ARID3C: variants seen among roughly 807,000 people sequenced by gnomAD.
The protein encoded by ARID3C is AT-rich interaction domain 3C.
A neutral mutation model predicts 37.9 loss-of-function variants in ARID3C; 42 were observed. The ratio of observed to expected loss-of-function variants is 1.11; its 90% CI spans 0.87 to 1.43. The LOEUF is 1.43. ARID3C is among the 40% of genes most tolerant of loss of function. ARID3C has a pLI of 0.00. For missense variants in ARID3C, 581 were observed against 548.8 expected (o/e 1.06, Z -0.59); for synonymous variants, 213 against 228.0 (o/e 0.93, Z 0.59).
chr9:34,624,178 C>T (rs10972174), intron 2 of ARID3C, 131 bp from the exon 4 acceptor site: 255,887 of 1,163,814 alleles, frequency 0.22, 29,727 homozygotes, highest in Admixed American at 0.25. Flanking sequence ...CCCACAGAAC[C>T]CCAGGGTCTC....
intron 6 of ARID3C, 134 bp downstream of exon 7, chr9:34,621,886 C>T (rs1820568963): frequency 5.5e-6 from 5 of 901,648 alleles, no homozygotes; most frequent in Middle Eastern, 2.2e-4. Context: ...GTCTAGCAAT[C>T]CCCTGAACTC....
At chr9:34,622,745 G>A (rs1010164840) in intron 4 of ARID3C, among the ~76,000 whole-genome samples, 1 of 152,222 alleles carries the variant, frequency 6.6e-6, no homozygotes, top group African/African-American at 2.4e-5. Context: ...CAATTTGGGG[G>A]ATTGTTTTTG....
At position 34,623,522 on chromosome 9, in the gene ARID3C, A is replaced by C. The variant is rs201965867; in HGVS notation, c.768T>G (p.Pro256=). The C allele has an allele frequency of 4.5e-6, 7 of 1,562,396 alleles. No individual in the cohort carries two copies. In the African/African-American group the frequency reaches 8.2e-5, roughly 18 times the overall value. The stretch of plus-strand genomic sequence containing the variant: ...GGCCAGGGCTGGACTGGGTCGCCGG[A>C]GGGGCGGGGCCGGGACCCAAGGCTG... Residue 256 remains proline, a synonymous_variant, in exon 4 of 7, where the codon CCT becomes CCG. Coordinates refer to ENST00000378909, the Ensembl canonical transcript of ARID3C.
Position 34,622,120 on chromosome 9 carries a change from G to C in ARID3C, c.1049-11C>G. ...CATCCAGCCGCTCTTCTGTCCAGGA[G>C]GGGGCAGAGGAATCACATTTTGGAG... On this transcript the variant is annotated splice_polypyrimidine_tract_variant and intron_variant, in intron 5 of 6. Transcript: ENST00000378909. 1 of 1,613,560 alleles carries C rather than the reference G, an allele frequency of 6.2e-7. No homozygotes were observed. Among genetic ancestry groups the C allele is most frequent in the Non-Finnish European group, 8.5e-7 (1 of 1,179,712 alleles).
intron 4 of ARID3C, 68 bp downstream of exon 5, chr9:34,623,357 G>T (rs749302265): frequency 1.3e-4 from 190 of 1,436,258 alleles, no homozygotes; most frequent in Admixed American, 2.3e-4. Context: ...ACATTTTAAT[G>T]GTTGCTATAT....
exon 3 of ARID3C, chr9:34,624,027 G>A (rs1479217348): frequency 1.3e-6 from 2 of 1,595,402 alleles, no homozygotes; most frequent in Non-Finnish European, 1.7e-6. Context: ...GCCATGATGG[G>A]CACGCGGTTC....
At chr9:34,624,012 G>T in exon 3 of ARID3C, 4 of 1,599,102 alleles carry the variant, frequency 2.5e-6, no homozygotes, top group African/African-American at 1.3e-5. Context: ...TCGAGCACCT[G>T]CTTCGCCATG....
At chr9:34,627,594 G>T in intron 1 of ARID3C, 103 bp downstream of exon 2, 2 of 1,030,320 alleles carry the variant, frequency 1.9e-6, no homozygotes, top group Non-Finnish European at 2.9e-6. Context: ...TTTTCATCTT[G>T]CAGAGGGTGG....
upstream of ARID3C, among the ~76,000 whole-genome samples, chr9:34,628,738 G>A (rs1820692578): frequency 6.6e-6 from 1 of 152,170 alleles, no homozygotes; most frequent in Non-Finnish European, 1.5e-5. This position sits in a 1 kb window ranked among gnomAD's most constrained non-coding sequence, Gnocchi z 5.2. Context: ...GAGAGGGACC[G>A]ACAGAGACAG....
chr9:34,622,875 G>A (rs909859607), intron 4 of ARID3C, among the ~76,000 whole-genome samples: 1 of 152,114 alleles, frequency 6.6e-6, no homozygotes, highest in African/African-American at 2.4e-5. Context: ...CTGGCCGGGC[G>A]CGGTGACTCA....
rs544212221 is a variant in ARID3C at position 34,624,142 on chromosome 9, C to T, written c.392-95G>A. 2.1e-5 allele frequency: 29 copies of T among 1,401,352 alleles called. No homozygotes were observed. In the South Asian group the frequency reaches 2.6e-4, roughly 12 times the overall value. 86.8% of individuals were successfully genotyped at this position (1,401,352 alleles called of 1,614,324 possible). On this transcript the variant is annotated intron_variant, in intron 2 of 6. Coordinates refer to ENST00000378909, the Ensembl canonical transcript of ARID3C. ...TACAGGACGGGAGCCCCGGGGAGGGCGGGAAAGAGGGAGACTTGGGCGGAG... is the reference window on the plus strand; with the variant it reads ...TACAGGACGGGAGCCCCGGGGAGGGTGGGAAAGAGGGAGACTTGGGCGGAG...
chr9:34,629,335 T>A (rs1299708699), upstream of ARID3C, among the ~76,000 whole-genome samples: 3 of 152,202 alleles, frequency 2.0e-5, no homozygotes, highest in East Asian at 5.8e-4. Context: ...GGCTTCCACA[T>A]ACAAATAGCC....
At chr9:34,622,652 G>A (rs1282229409) in intron 4 of ARID3C, 123 bp from the exon 6 acceptor site, 7 of 1,014,652 alleles carry the variant, frequency 6.9e-6, no homozygotes, top group Middle Eastern at 2.2e-4. Context: ...TCCTTCATTC[G>A]ATCTATCTTC....
chr9:34,625,704 G>C (rs1321123235), intron 2 of ARID3C, 38 bp downstream of exon 3: 1 of 1,611,596 alleles, frequency 6.2e-7, no homozygotes, highest in Non-Finnish European at 8.5e-7. Context: ...TGGTAAGGGG[G>C]CAATTCCAGG....
upstream of ARID3C, among the ~76,000 whole-genome samples, chr9:34,628,561 G>A (rs1307080731): frequency 6.6e-6 from 1 of 152,118 alleles, no homozygotes; most frequent in Non-Finnish European, 1.5e-5. This position sits in a 1 kb window ranked among gnomAD's most constrained non-coding sequence, Gnocchi z 5.2. Context: ...GGTAAGAGAG[G>A]TAGAGGAGCA....
intron 1 of ARID3C, among the ~76,000 whole-genome samples, chr9:34,627,460 C>A (rs1001220249): frequency 6.6e-6 from 1 of 152,136 alleles, no homozygotes; most frequent in Non-Finnish European, 1.5e-5. Flanking sequence ...CTGGGCAATA[C>A]AAGAAAACCT....
At chr9:34,630,148 G>A (rs925860339), upstream of ARID3C, among the ~76,000 whole-genome samples, 2 of 152,094 alleles carry the variant, frequency 1.3e-5, no homozygotes, top group East Asian at 1.9e-4. Flanking sequence ...AACAGTGACC[G>A]GCACTTCGCC....
chr9:34,632,675 G>A (rs1348491585), upstream of ARID3C, among the ~76,000 whole-genome samples: 4 of 152,160 alleles, frequency 2.6e-5, no homozygotes, highest in African/African-American at 7.2e-5. Flanking sequence ...ATTTGATGAT[G>A]GATTGGATGT....
intron 4 of ARID3C, 150 bp from the exon 6 acceptor site, chr9:34,622,679 C>T: frequency 2.5e-6 from 2 of 806,212 alleles, no homozygotes; most frequent in Non-Finnish European, 3.7e-6. Context: ...AGAGCCTCAG[C>T]CTGGAAGCGC....
Sources: allele counts gnomAD v4.1 joint callset (sites outside exome capture counted in the v4.1 genomes callset), GRCh38; gene constraint gnomAD v4.1.1; non-coding constraint Gnocchi (gnomAD v3.1); transcripts MANE v1.5; gene names NCBI Gene and HGNC (gene_info 2026-07-23, HGNC 2026-07-21).